Variants in CREB5 observed in about 807,000 individuals in gnomAD.
CREB5 encodes the protein cAMP responsive element binding protein 5, also known as cyclic AMP-responsive element-binding protein 5.
In CREB5, 19 loss-of-function variants were observed where a neutral mutation model predicts 57.1. That is an observed-to-expected ratio of 0.33 (90% CI 0.23 to 0.49). The LOEUF is 0.49. Ranked by LOEUF, CREB5 falls within the 20% of genes least tolerant of loss-of-function variation. The pLI is 0.99. For synonymous variants in CREB5, 238 were observed against 238.3 expected (o/e 1.00, Z 0.01); for missense variants, 579 against 671.6 (o/e 0.86, Z 1.52).
At position 28,570,414 on chromosome 7, in the gene CREB5, C is replaced by A. The variant is rs776313239; in HGVS notation, c.341C>A (p.Thr114Asn). 6.2e-7 allele frequency: 1 copy of A among 1,614,150 alleles called. No homozygotes were observed. ...AVGGAMTGPG[T>N]HQLSSARLPN... is the part of the protein sequence containing the mutation. ...GGTGGGGCCATGACGGGGCCCGGAACTCACCAGCTTAGCAGCGCTCGGCTG... is the reference window on the plus strand; with the variant it reads ...GGTGGGGCCATGACGGGGCCCGGAAATCACCAGCTTAGCAGCGCTCGGCTG... Residue 114 changes from threonine to asparagine, a missense_variant, in exon 5 of 11, where the codon ACT becomes AAT. Transcript: ENST00000357727.
intron 4 of CREB5, among the ~76,000 whole-genome samples, chr7:28,509,740 C>T (rs1175386867): frequency 6.6e-6 from 1 of 152,048 alleles, no homozygotes; most frequent in Non-Finnish European, 1.5e-5. Context: ...GGAACTATTG[C>T]AGCTGTAGAA....
At chr7:28,414,896 G>A (rs1787966044) in intron 1 of CREB5, among the ~76,000 whole-genome samples, 1 of 151,992 alleles carries the variant, frequency 6.6e-6, no homozygotes, top group South Asian at 2.1e-4. Flanking sequence ...CTCTGGGACT[G>A]TCACAGTAAA....
At chr7:28,803,596 A>C (rs572061327) in intron 7 of CREB5, among the ~76,000 whole-genome samples, 37 of 152,114 alleles carry the variant, frequency 2.4e-4, no homozygotes, top group South Asian at 1.7e-3. Flanking sequence ...ATCTCTACTA[A>C]AAATACAAAA....
intron 1 of CREB5, among the ~76,000 whole-genome samples, chr7:28,451,050 T>C (rs1173886288): frequency 6.6e-6 from 1 of 152,166 alleles, no homozygotes; most frequent in Admixed American, 6.5e-5. Flanking sequence ...CTGTAACAGA[T>C]GTAAATGATG....
chr7:28,676,591 T>C (rs1364737238), intron 5 of CREB5, among the ~76,000 whole-genome samples: 3 of 152,170 alleles, frequency 2.0e-5, no homozygotes, highest in African/African-American at 4.8e-5. Flanking sequence ...TCAAGACTTT[T>C]GAAAAACATT....
At chr7:28,790,451 AG>A (rs1807610672) in intron 7 of CREB5, among the ~76,000 whole-genome samples, 3 of 36,342 alleles carry the variant, frequency 8.3e-5, no homozygotes, top group East Asian at 5.7e-4. Context: ...AGAGAGAGAG[AG>A]AGAGAGAGAT....
chr7:28,731,999 C>A (rs1402212093), intron 7 of CREB5, among the ~76,000 whole-genome samples: 2 of 152,144 alleles, frequency 1.3e-5, no homozygotes, highest in African/African-American at 4.8e-5. Flanking sequence ...CATGTTTTCT[C>A]GCTGTTTTCT....
At chr7:28,405,603 C>T (rs982039229) in intron 1 of CREB5, among the ~76,000 whole-genome samples, 2 of 152,048 alleles carry the variant, frequency 1.3e-5, no homozygotes, top group African/African-American at 2.4e-5. Context: ...TTTGTAGAGA[C>T]GCTCAGGCTG....
chr7:28,823,124 A>G lies in CREB5; in HGVS notation c.*3845A>G, dbSNP rs1809876308. The G allele has an allele frequency of 6.6e-6, 1 of 152,594 alleles. No individual in the cohort carries two copies. Among genetic ancestry groups the G allele is most frequent in the Non-Finnish European group, 1.5e-5 (1 of 68,036 alleles). The allele number at this position is 152,594 out of a possible 1,614,324, so 9.5% of individuals were successfully genotyped here. ...GAGTTTGTCATTAAAATCATAAACC[A>G]GCTGCGGTAACAGACAAGCCTTTGG... On this transcript the variant is annotated 3_prime_UTR_variant, in exon 11 of 11. Transcript: ENST00000357727.
chr7:28,790,466 G>GAGAGAGAT (rs1562643079), intron 7 of CREB5, among the ~76,000 whole-genome samples: 6 of 136,714 alleles, frequency 4.4e-5, no homozygotes, highest in African/African-American at 1.7e-4. Context: ...GAGAGATAGA[G>GAGAGAGAT]AGAGAGAGAA....
chr7:28,821,625 G>T lies in CREB5; in HGVS notation c.*2346G>T, dbSNP rs1185555497. The T allele has an allele frequency of 6.6e-6, 1 of 152,034 alleles. No homozygotes were observed. Among genetic ancestry groups the T allele is most frequent in the African/African-American group, 2.4e-5 (1 of 41,424 alleles). The allele number at this position is 152,034 out of a possible 1,614,324, so 9.4% of individuals were successfully genotyped here. A position where few individuals can be genotyped will look rare whatever the true frequency, so the allele number is the denominator to read the frequency against. On this transcript the variant is annotated 3_prime_UTR_variant, in exon 11 of 11. Coordinates refer to ENST00000357727, the MANE Select transcript of CREB5 (RefSeq NM_182898.4). The stretch of plus-strand genomic sequence containing the variant: ...CAGTAACAGCTGAATGGTTTAATCT[G>T]ACTGGCTTCCTAAGAAATGTTTAAG...
chr7:28,492,231 C>T (rs1371129860), intron 2 of CREB5, among the ~76,000 whole-genome samples: 2 of 152,196 alleles, frequency 1.3e-5, no homozygotes, highest in African/African-American at 2.4e-5. Context: ...AACTCCTGAC[C>T]TCAGGTGATC....
chr7:28,304,487 G>T (rs943096036), intron 1 of CREB5, among the ~76,000 whole-genome samples: 1 of 152,164 alleles, frequency 6.6e-6, no homozygotes, highest in Non-Finnish European at 1.5e-5. Context: ...GGAAGGAAAA[G>T]CACTTTCTTA....
intron 5 of CREB5, 131 bp downstream of exon 5, chr7:28,570,668 T>C: frequency 1.0e-6 from 1 of 1,000,866 alleles, no homozygotes; most frequent in Middle Eastern, 2.7e-4. Context: ...GAGCTCAGAG[T>C]GATGCTTTTG....
intron 5 of CREB5, among the ~76,000 whole-genome samples, chr7:28,696,618 T>C (rs116513580): frequency 0.051 from 7,707 of 152,220 alleles, 253 homozygotes; most frequent in South Asian, 0.065. Flanking sequence ...TTTTTAAATT[T>C]TTTTGATATG....
intron 1 of CREB5, among the ~76,000 whole-genome samples, chr7:28,450,051 G>A (rs937486566): frequency 2.6e-5 from 4 of 152,146 alleles, no homozygotes; most frequent in Non-Finnish European, 4.4e-5. Flanking sequence ...GAAATCACAC[G>A]TTCCCTACAA....
intron 5 of CREB5, among the ~76,000 whole-genome samples, chr7:28,683,827 A>T (rs1392353366): frequency 6.6e-6 from 1 of 152,172 alleles, no homozygotes; most frequent in African/African-American, 2.4e-5. Flanking sequence ...CCTGGTATCT[A>T]GTGGATTCAC....
intron 5 of CREB5, among the ~76,000 whole-genome samples, chr7:28,663,023 T>A (rs1367954016): frequency 6.6e-6 from 1 of 151,476 alleles, no homozygotes; most frequent in Non-Finnish European, 1.5e-5. Context: ...TGGGTGCCTG[T>A]AATCCCAGCT....
intron 5 of CREB5, among the ~76,000 whole-genome samples, chr7:28,577,845 T>C (rs1795961288): frequency 6.6e-6 from 1 of 152,250 alleles, no homozygotes; most frequent in Non-Finnish European, 1.5e-5. Flanking sequence ...GACTCAGTGC[T>C]GCGTGTGTGA....
Sources: allele counts gnomAD v4.1 joint callset (sites outside exome capture counted in the v4.1 genomes callset), GRCh38; gene constraint gnomAD v4.1.1; transcripts MANE v1.5; gene names NCBI Gene and HGNC (gene_info 2026-07-23, HGNC 2026-07-21).